Variants in HIVEP1 observed in about 807,000 individuals in gnomAD.
HIVEP1 encodes the protein zinc finger protein 40.
HIVEP1 carries 36 observed loss-of-function variants against 180.0 expected under a neutral mutation model. The observed-to-expected ratio is 0.20, with a 90% CI of 0.15 to 0.26. HIVEP1 has a LOEUF of 0.26. HIVEP1 is among the 10% of genes least tolerant of loss of function. The probability of loss-of-function intolerance (pLI) is 1.00; values close to 1 mark genes in which losing one functional copy is unlikely to be tolerated. For synonymous variants in HIVEP1, 1,239 were observed against 1,239.0 expected (o/e 1.00, Z 0.00); for missense variants, 3,143 against 3,268.7 (o/e 0.96, Z 0.94).
chr6:12,009,136 G>T (rs1463270941), upstream of HIVEP1, among the ~76,000 whole-genome samples: 1 of 146,634 alleles, frequency 6.8e-6, no homozygotes, highest in Non-Finnish European at 1.5e-5. Context: ...CGGCGGCGGC[G>T]GCGGCGGCGC....
chr6:12,049,928 A>G (rs1019612623), intron 2 of HIVEP1, among the ~76,000 whole-genome samples: 1 of 152,204 alleles, frequency 6.6e-6, no homozygotes, highest in Non-Finnish European at 1.5e-5. Context: ...ATGAAAAATT[A>G]CAAGGTATTC....
the HIVEP1 span, among the ~76,000 whole-genome samples, chr6:12,204,720 C>T: frequency 6.6e-6 from 1 of 152,316 alleles, no homozygotes; most frequent in African/African-American, 2.4e-5. Flanking sequence ...GCTGGAATTA[C>T]AGCAGTGAAT....
In HIVEP1 at chr6:12,119,793, A is replaced by C. The variant is rs944192071; in HGVS notation, c.95-97A>C. On this transcript the variant is annotated intron_variant, in intron 3 of 8. Transcript: ENST00000379388. ...TCCTTAAATACTTTCTTCACTTGTC[A>C]TAATGTCCTTATGATAGTAATCTTA... is the stretch of plus-strand genomic sequence containing the variant. 5 of 754,144 alleles carry C rather than the reference A, an allele frequency of 6.6e-6. No individual in the cohort carries two copies. The African/African-American group carries it at 7.3e-5, about 11-fold the overall frequency. 46.7% of individuals were successfully genotyped at this position (754,144 alleles called of 1,614,324 possible).
At chr6:12,115,350 CTTTTTTTTTTTTTTTT>C (rs34074662) in intron 3 of HIVEP1, among the ~76,000 whole-genome samples, 1 of 75,296 alleles carries the variant, frequency 1.3e-5, no homozygotes, top group Admixed American at 1.9e-4. Flanking sequence ...CCCAACTATT[CTTTTTTTTTTTTTTTT>C]TTTTTTTTTT....
chr6:12,172,580 A>G, the HIVEP1 span, among the ~76,000 whole-genome samples: 1 of 152,212 alleles, frequency 6.6e-6, no homozygotes, highest in East Asian at 1.9e-4. Context: ...ACAAGATATT[A>G]GATTTAAATT....
At chr6:12,058,065 C>A (rs943516543) in intron 2 of HIVEP1, among the ~76,000 whole-genome samples, 2 of 151,968 alleles carry the variant, frequency 1.3e-5, no homozygotes, top group African/African-American at 2.4e-5. Context: ...GTACATAAGT[C>A]CCTGAGGCCA....
At chr6:12,129,208 A>T (rs888926627) in intron 4 of HIVEP1, among the ~76,000 whole-genome samples, 2 of 152,168 alleles carry the variant, frequency 1.3e-5, no homozygotes, top group African/African-American at 4.8e-5. Context: ...ACCCCATGTC[A>T]AAAAAGATTT....
chr6:12,043,444 C>T (rs1331072758), intron 2 of HIVEP1, among the ~76,000 whole-genome samples: 3 of 151,106 alleles, frequency 2.0e-5, no homozygotes, highest in African/African-American at 7.3e-5. Flanking sequence ...TCACTGCAAC[C>T]TCCACCTCCC....
At chr6:12,197,968 G>T in the HIVEP1 span, among the ~76,000 whole-genome samples, 1 of 152,188 alleles carries the variant, frequency 6.6e-6, no homozygotes, top group Non-Finnish European at 1.5e-5. Context: ...AGGGAACCTG[G>T]GTTTCTGGCT....
the HIVEP1 span, among the ~76,000 whole-genome samples, chr6:12,182,031 A>G: frequency 2.0e-5 from 3 of 152,198 alleles, no homozygotes; most frequent in African/African-American, 4.8e-5. Context: ...ATCCAAATTC[A>G]TTATTCTGTA....
intron 2 of HIVEP1, among the ~76,000 whole-genome samples, chr6:12,028,528 A>G (rs1768731922): frequency 6.6e-6 from 1 of 152,230 alleles, no homozygotes; most frequent in African/African-American, 2.4e-5. Context: ...GATGGAATTA[A>G]TGCCATACGT....
chr6:12,010,367 A>C (rs185635969), upstream of HIVEP1, among the ~76,000 whole-genome samples: 1 of 152,262 alleles, frequency 6.6e-6, no homozygotes, highest in East Asian at 1.9e-4. Context: ...TGAGTATTCC[A>C]TTTTTAATCA....
intron 4 of HIVEP1, among the ~76,000 whole-genome samples, chr6:12,128,191 G>A (rs1241039702): frequency 1.5e-4 from 23 of 152,224 alleles, no homozygotes; most frequent in Admixed American, 1.5e-3. Flanking sequence ...CTGTTAAAGG[G>A]ATAAAGTCAA....
the HIVEP1 span, among the ~76,000 whole-genome samples, chr6:12,202,444 TTTG>T: frequency 1.3e-5 from 2 of 152,184 alleles, no homozygotes; most frequent in Admixed American, 1.3e-4. Context: ...AGACCCATAT[TTTG>T]TTATTTTGAG....
Position 12,120,856 on chromosome 6 carries a change from C to T in HIVEP1, c.1061C>T (p.Ser354Phe), listed in dbSNP as rs772463322. Reference sequence around the variant, plus strand: ...ACTCCTCAAAACCAGCAAATGGATTCTGCTTCACCTTTGTCAATAAGTCCG... The same window carrying T: ...ACTCCTCAAAACCAGCAAATGGATTTTGCTTCACCTTTGTCAATAAGTCCG... Reference protein sequence around the residue: ...QVTPQNQQMDSASPLSISPAN... With the variant: ...QVTPQNQQMDFASPLSISPAN... Residue 354 changes from serine (S) to phenylalanine (F), a missense_variant, in exon 4 of 9, where the codon TCT becomes TTT. Coordinates refer to ENST00000379388, the MANE Select transcript of HIVEP1 (RefSeq NM_002114.4). The T allele has an allele frequency of 4.3e-6, 7 of 1,614,200 alleles. 1 individual carries two copies. In the South Asian group the frequency reaches 7.7e-5, roughly 18 times the overall value.
chr6:12,018,208 T>TG (rs2113584242), intron 2 of HIVEP1, among the ~76,000 whole-genome samples: 1 of 152,318 alleles, frequency 6.6e-6, no homozygotes, highest in Non-Finnish European at 1.5e-5. Context: ...CCACGCCAAC[T>TG]GGGAACTCTA....
At chr6:12,096,488 A>G (rs1164145911) in intron 3 of HIVEP1, among the ~76,000 whole-genome samples, 2 of 151,846 alleles carry the variant, frequency 1.3e-5, no homozygotes, top group Non-Finnish European at 1.5e-5. Context: ...GTCAGTAAAA[A>G]TGCTAGTTTC....
intron 2 of HIVEP1, among the ~76,000 whole-genome samples, chr6:12,055,154 G>C (rs1770776690): frequency 6.6e-6 from 1 of 152,194 alleles, no homozygotes; most frequent in African/African-American, 2.4e-5. Flanking sequence ...ATGTATACTT[G>C]AGGAATCTAA....
At position 12,122,367 on chromosome 6, in the gene HIVEP1, C is replaced by G; in HGVS notation, c.2572C>G (p.Pro858Ala). The change falls in exon 4 of 9, where the codon CCT becomes GCT. Residue 858 changes from proline (P) to alanine (A), a missense_variant. By Grantham distance (27) the Pro-to-Ala change is conservative. Transcript: ENST00000379388. ...SAVPANIIPPPHPLRGSQSFD... is the reference protein window; with the variant it reads ...SAVPANIIPPAHPLRGSQSFD... ...AGTACCTGCAAATATAATACCTCCTCCTCATCCACTAAGAGGAAGTCAGTC... is the reference window on the plus strand; with the variant it reads ...AGTACCTGCAAATATAATACCTCCTGCTCATCCACTAAGAGGAAGTCAGTC... The G allele has an allele frequency of 6.2e-7, 1 of 1,614,222 alleles. No individual in the cohort carries two copies.
Sources: allele counts gnomAD v4.1 joint callset (sites outside exome capture counted in the v4.1 genomes callset), GRCh38; gene constraint gnomAD v4.1.1; transcripts MANE v1.5; gene names NCBI Gene and HGNC (gene_info 2026-07-23, HGNC 2026-07-21).